Variants in UROS observed in about 807,000 individuals in gnomAD.
The protein encoded by UROS is uroporphyrinogen-III synthase.
A neutral mutation model predicts 33.0 loss-of-function variants in UROS; 18 were observed. The observed-to-expected ratio is 0.55, with a 90% CI of 0.38 to 0.81. UROS has a LOEUF of 0.81. UROS is among the 30% of genes least tolerant of loss of function. The pLI is 0.00. For missense variants in UROS, 293 were observed against 314.9 expected (o/e 0.93, Z 0.53); for synonymous variants, 114 against 121.1 (o/e 0.94, Z 0.38).
At chr10:125,794,290 C>T in intron 9 of UROS, 1 of 985,826 alleles carries the variant, frequency 1.0e-6, no homozygotes, top group Non-Finnish European at 1.2e-6. Context: ...AAGCCTTTTG[C>T]TCTTCCTGAC....
At chr10:125,822,232 C>T (rs1391354922) in intron 1 of UROS, among the ~76,000 whole-genome samples, 2 of 152,160 alleles carry the variant, frequency 1.3e-5, no homozygotes, top group East Asian at 3.8e-4. Context: ...GGCTGGCGCT[C>T]GCTCTGCAGT....
intron 1 of UROS, among the ~76,000 whole-genome samples, chr10:125,820,629 T>C (rs1341510259): frequency 1.3e-5 from 2 of 152,232 alleles, no homozygotes; most frequent in Admixed American, 1.3e-4. Flanking sequence ...GGGCTAAGCA[T>C]TTTACATGCA....
At chr10:125,795,199 C>G in intron 8 of UROS, 1 of 586,938 alleles carries the variant, frequency 1.7e-6, no homozygotes, top group Non-Finnish European at 3.1e-6. Context: ...GCTGGTGCTG[C>G]CCCAGGTCTG....
Position 125,806,408 on chromosome 10 carries a change from G to A in UROS, c.394+1005C>T, listed in dbSNP as rs539646988. Among the ~76,000 whole-genome samples, 13 of 152,268 alleles carry A rather than the reference G, an allele frequency of 8.5e-5. No homozygotes were observed. The East Asian group carries it at 2.1e-3, about 25-fold the overall frequency. On this transcript the variant is annotated intron_variant, in intron 6 of 9. Coordinates refer to ENST00000368797, the MANE Select transcript of UROS (RefSeq NM_000375.3). ...GGGACCACCTTAGAGGAAACTCTCA[G>A]CTGTCAGCAGTTCATCTGACCCTGG...
intron 6 of UROS, among the ~76,000 whole-genome samples, chr10:125,804,052 G>C (rs1015589423): frequency 8.5e-5 from 13 of 152,238 alleles, no homozygotes; most frequent in Admixed American, 7.9e-4. Flanking sequence ...CCCATTAGAG[G>C]TGAGAGGAGC....
intron 8 of UROS, chr10:125,795,248 A>T: frequency 2.0e-6 from 1 of 499,430 alleles, no homozygotes. Flanking sequence ...CCCGGAGCTC[A>T]TGTGCCCAGC....
chr10:125,816,070 A>T, intron 3 of UROS, 107 bp downstream of exon 3: 1 of 1,158,938 alleles, frequency 8.6e-7, no homozygotes, highest in Non-Finnish European at 1.3e-6. Flanking sequence ...GCCATGTTTT[A>T]AAGTTTGGGA....
chr10:125,797,934 C>T (rs1851504132), intron 7 of UROS, 131 bp downstream of exon 7: 1 of 1,028,082 alleles, frequency 9.7e-7, no homozygotes, highest in Non-Finnish European at 1.5e-6. Context: ...TCTGTGTCTC[C>T]TGGCCTGGCT....
chr10:125,816,556 T>TA, intron 1 of UROS, 31 bp from the exon 2 acceptor site: 1 of 1,598,394 alleles, frequency 6.3e-7, no homozygotes, highest in South Asian at 1.1e-5. Flanking sequence ...AGATCTTAAT[T>TA]AGATCTCAAA....
Position 125,806,388 on chromosome 10 carries a change from C to G in UROS, c.394+1025G>C, listed in dbSNP as rs566003857. 3.9e-5 allele frequency among the ~76,000 whole-genome samples: 6 copies of G among 152,324 alleles called. No homozygotes were observed. In the South Asian group the frequency reaches 6.2e-4, roughly 16 times the overall value. On this transcript the variant is annotated intron_variant, in intron 6 of 9. Coordinates refer to ENST00000368797, the MANE Select transcript of UROS (RefSeq NM_000375.3). ...AAGGCATATACCCCTCTCCTGGGACCACCTTAGAGGAAACTCTCAGCTGTC... is the reference window on the plus strand; with the variant it reads ...AAGGCATATACCCCTCTCCTGGGACGACCTTAGAGGAAACTCTCAGCTGTC...
intron 9 of UROS, 95 bp from the exon 10 acceptor site, chr10:125,789,100 G>C: frequency 6.6e-7 from 1 of 1,514,460 alleles, no homozygotes; most frequent in Non-Finnish European, 9.1e-7. Flanking sequence ...AGCCAGCTTT[G>C]CGGTTGGACG....
chr10:125,821,657 G>C (rs1485310345), intron 1 of UROS, among the ~76,000 whole-genome samples: 1 of 152,106 alleles, frequency 6.6e-6, no homozygotes, highest in East Asian at 1.9e-4. Flanking sequence ...AAAGTATAAA[G>C]AAACAGGAAA....
At chr10:125,792,594 G>T (rs1851025437) in intron 9 of UROS, 1 of 152,246 alleles carries the variant, frequency 6.6e-6, no homozygotes, top group Non-Finnish European at 1.5e-5. Flanking sequence ...GCTTTGCAGT[G>T]ACATCTCTGT....
At chr10:125,822,368 T>A (rs1327448822) in intron 1 of UROS, among the ~76,000 whole-genome samples, 1 of 148,374 alleles carries the variant, frequency 6.7e-6, no homozygotes, top group African/African-American at 2.5e-5. Flanking sequence ...CAGGCTGGAG[T>A]GTGGAGTGCG....
intron 1 of UROS, among the ~76,000 whole-genome samples, chr10:125,818,572 TATC>T (rs1853569651): frequency 6.6e-6 from 1 of 152,204 alleles, no homozygotes; most frequent in East Asian, 1.9e-4. Flanking sequence ...AGTCACATAT[TATC>T]AGGCTGATTG....
chr10:125,788,497 T>G, downstream of UROS: 1 of 1,100,500 alleles, frequency 9.1e-7, no homozygotes, highest in South Asian at 3.6e-5. Context: ...ATAGCAGGTT[T>G]GTGGGTTATC....
At chr10:125,799,971 T>C (rs747405775) in intron 6 of UROS, among the ~76,000 whole-genome samples, 6 of 152,160 alleles carry the variant, frequency 3.9e-5, no homozygotes, top group African/African-American at 1.2e-4. Flanking sequence ...GACACAGAGA[T>C]AGTGAACTGT....
chr10:125,804,540 G>C (rs1016180605), intron 6 of UROS, among the ~76,000 whole-genome samples: 1 of 152,190 alleles, frequency 6.6e-6, no homozygotes, highest in African/African-American at 2.4e-5. Context: ...AGCCAACTTG[G>C]ACAGAGGTCC....
rs1328429167 is a variant in UROS at position 125,821,534 on chromosome 10, G to A, written c.-27+1495C>T. ...CTAGATGAAAAGAGTTCTGCCAATG[G>A]ATAGTGGTGGTGATGGTTGCACAAT... On this transcript the variant is annotated intron_variant, in intron 1 of 9. Transcript: ENST00000368797. Among the ~76,000 whole-genome samples the A allele has an allele frequency of 2.0e-5, 3 of 152,338 alleles. No individual in the cohort carries two copies. In the East Asian group the frequency reaches 5.8e-4, roughly 29 times the overall value.
Sources: gnomAD v4.1 joint callset for allele counts (sites outside exome capture counted in the v4.1 genomes callset) on GRCh38, gnomAD v4.1.1 for gene constraint, MANE v1.5 for transcripts, NCBI Gene and HGNC (gene_info 2026-07-23, HGNC 2026-07-21) for gene names.